The following COPZ1 variants were observed in gnomAD, a reference collection of about 807,000 sequenced individuals.
COPZ1 encodes the protein coat protein complex I subunit zeta 1.
COPZ1 carries 4 observed loss-of-function variants against 31.7 expected under a neutral mutation model. The ratio of observed to expected loss-of-function variants is 0.13; its 90% confidence interval spans 0.06 to 0.29. The LOEUF (loss-of-function observed/expected upper bound fraction) is 0.29. COPZ1 is among the 10% of genes least tolerant of loss of function. The probability of loss-of-function intolerance (pLI) is 1.00; values close to 1 mark genes in which losing one functional copy is unlikely to be tolerated. For synonymous variants in COPZ1, 74 were observed against 79.0 expected (o/e 0.94, Z 0.33); for missense variants, 156 against 211.5 (o/e 0.74, Z 1.63).
chr12:54,326,717 C>T (rs1953655663), intron 1 of COPZ1, among the ~76,000 whole-genome samples: 1 of 149,514 alleles, frequency 6.7e-6, no homozygotes, highest in Non-Finnish European at 1.5e-5. Flanking sequence ...ATTTAACTCC[C>T]AGCCTTCTTC....
intron 1 of COPZ1, chr12:54,337,303 G>C (rs764856817): frequency 3.7e-6 from 2 of 534,084 alleles, no homozygotes; most frequent in African/African-American, 3.9e-5. Flanking sequence ...ACTTTGTCTC[G>C]AAAGCTTTCT....
At chr12:54,339,046 G>T (rs1192774378) in intron 1 of COPZ1, among the ~76,000 whole-genome samples, 1 of 152,048 alleles carries the variant, frequency 6.6e-6, no homozygotes, top group Non-Finnish European at 1.5e-5. Flanking sequence ...AGGACTGTGG[G>T]TTTCTTAAAT....
chr12:54,349,480 C>G, intron 7 of COPZ1, 140 bp from the exon 8 acceptor site: 1 of 765,428 alleles, frequency 1.3e-6, no homozygotes, highest in Admixed American at 1.8e-5. Flanking sequence ...GTACTAGTCC[C>G]TAGAAGGGAC....
At chr12:54,344,888 G>A (rs935186580) in intron 4 of COPZ1, 1 of 151,796 alleles carries the variant, frequency 6.6e-6, no homozygotes, top group Non-Finnish European at 1.5e-5. Flanking sequence ...AAGTAGCTGG[G>A]ACTGCAGGTG....
intron 1 of COPZ1, among the ~76,000 whole-genome samples, chr12:54,326,203 G>C (rs1290356174): frequency 2.0e-5 from 3 of 148,452 alleles, no homozygotes; most frequent in Non-Finnish European, 3.0e-5. Flanking sequence ...GCAGTGGTAC[G>C]ATCTCGGCTC....
intron 1 of COPZ1, among the ~76,000 whole-genome samples, chr12:54,326,455 A>G (rs1953646674): frequency 2.0e-5 from 3 of 147,024 alleles, no homozygotes; most frequent in South Asian, 4.4e-4. Context: ...TTCTTATTGT[A>G]TGATCTAGGA....
intron 1 of COPZ1, among the ~76,000 whole-genome samples, chr12:54,333,907 G>A (rs1176124210): frequency 6.6e-6 from 1 of 152,092 alleles, no homozygotes; most frequent in African/African-American, 2.4e-5. Context: ...TCTTTCCTGA[G>A]CTGTGCTTTT....
intron 7 of COPZ1, 51 bp from the exon 8 acceptor site, chr12:54,349,569 G>T (rs1265063714): frequency 6.8e-7 from 1 of 1,467,568 alleles, no homozygotes; most frequent in Non-Finnish European, 9.6e-7. Context: ...CTCCAATCAG[G>T]TCTTACTCCA....
chr12:54,334,750 G>A (rs1289000698), intron 1 of COPZ1, among the ~76,000 whole-genome samples: 1 of 152,088 alleles, frequency 6.6e-6, no homozygotes, highest in Middle Eastern at 3.4e-3. Flanking sequence ...CCAGCCACTC[G>A]GGAGGCTGAG....
At chr12:54,331,173 CTTTTTTTTTT>C (rs1000222358) in intron 1 of COPZ1, among the ~76,000 whole-genome samples, 3 of 80,270 alleles carry the variant, frequency 3.7e-5, no homozygotes, top group East Asian at 3.9e-4. Context: ...TTTTCACACT[CTTTTTTTTTT>C]TTTTTTTTTT....
At chr12:54,343,398 T>G in intron 4 of COPZ1, 82 bp downstream of exon 4, 5 of 1,135,512 alleles carry the variant, frequency 4.4e-6, no homozygotes, top group Non-Finnish European at 6.7e-6. Flanking sequence ...TTTGGGGCCC[T>G]AATAGAGCCG....
At chr12:54,329,735 AT>A in intron 1 of COPZ1, among the ~76,000 whole-genome samples, 1 of 152,126 alleles carries the variant, frequency 6.6e-6, no homozygotes, top group Non-Finnish European at 1.5e-5. Context: ...TTACCTTAAT[AT>A]TTTAAAACCA....
intron 1 of COPZ1, among the ~76,000 whole-genome samples, chr12:54,331,565 T>C (rs766777900): frequency 1.3e-5 from 2 of 152,124 alleles, no homozygotes; most frequent in Non-Finnish European, 2.9e-5. Flanking sequence ...ACTCCTTTTC[T>C]GTTGTGTGGT....
chr12:54,343,898 G>A (rs1954015521), intron 4 of COPZ1, among the ~76,000 whole-genome samples: 2 of 152,226 alleles, frequency 1.3e-5, no homozygotes, highest in Admixed American at 6.5e-5. Context: ...TAAGTGCTTT[G>A]TAAAGTATAT....
chr12:54,340,198 CCT>C (rs1953950069), intron 1 of COPZ1, among the ~76,000 whole-genome samples: 1 of 152,046 alleles, frequency 6.6e-6, no homozygotes, highest in Admixed American at 6.6e-5. Flanking sequence ...TCTATAGCCA[CCT>C]GTACATGGGA....
At chr12:54,334,148 C>T (rs1953811220) in intron 1 of COPZ1, among the ~76,000 whole-genome samples, 1 of 151,622 alleles carries the variant, frequency 6.6e-6, no homozygotes, top group South Asian at 2.1e-4. Flanking sequence ...AATCCTAGCA[C>T]TTTGGGAGGT....
At chr12:54,336,702 T>G (rs1008446054) in intron 1 of COPZ1, among the ~76,000 whole-genome samples, 4 of 150,680 alleles carry the variant, frequency 2.7e-5, no homozygotes, top group African/African-American at 9.8e-5. Context: ...TTCTTGGAGA[T>G]GTTGATGCTT....
At position 54,342,383 on chromosome 12, in the gene COPZ1, G is replaced by C. The variant is rs150897371; in HGVS notation, c.169+96G>C. On this transcript the variant is annotated intron_variant, in intron 3 of 8. Transcript: ENST00000262061. ...TGCAGAGAAAGGATGAAATGACTCT[G>C]CCTTTTTCTTTTTTTTTCCTTCTTC... 1,009 of 915,588 alleles carry C rather than the reference G, an allele frequency of 1.1e-3. 10 individuals carry two copies. In the African/African-American group the frequency reaches 0.015, roughly 14 times the overall value. The allele number at this position is 915,588 out of a possible 1,614,324, so 56.7% of individuals were successfully genotyped here. A position where few individuals can be genotyped will look rare whatever the true frequency, so the allele number is the denominator to read the frequency against.
chr12:54,340,912 A>G lies in COPZ1; in HGVS notation c.87+297A>G, dbSNP rs147293726. 8.0e-3 allele frequency among the ~76,000 whole-genome samples: 1,217 copies of G among 152,098 alleles called. 13 individuals carry two copies. The highest frequency in any genetic ancestry group is 0.026 in the African/African-American group (1,075 of 41,486). On this transcript the variant is annotated intron_variant, in intron 2 of 8. Transcript: ENST00000262061. ...GACAGGGTTTCAGCAGGTTGGCCAG[A>G]CTGGTCTCAAACTCCTGACCTCATG...
Sources: gnomAD v4.1 joint callset for allele counts (sites outside exome capture counted in the v4.1 genomes callset) on GRCh38, gnomAD v4.1.1 for gene constraint, MANE v1.5 for transcripts, NCBI Gene and HGNC (gene_info 2026-07-23, HGNC 2026-07-21) for gene names.